MAP3K19: variants seen among roughly 807,000 people sequenced by gnomAD.
MAP3K19 encodes SPS1/STE20-related protein kinase YSK4.
MAP3K19 carries 91 observed loss-of-function variants against 114.4 expected under a neutral mutation model. That is an observed-to-expected ratio of 0.80 (90% CI 0.67 to 0.95). The LOEUF (loss-of-function observed/expected upper bound fraction) is 0.95. Ranked by LOEUF, MAP3K19 falls within the 40% of genes least tolerant of loss-of-function variation. The pLI is 0.00. For synonymous variants in MAP3K19, 518 were observed against 530.5 expected (o/e 0.98, Z 0.32); for missense variants, 1,471 against 1,573.2 (o/e 0.94, Z 1.10).
intron 10 of MAP3K19, among the ~76,000 whole-genome samples, chr2:134,985,018 A>G (rs1684994911): frequency 6.6e-6 from 1 of 152,222 alleles, no homozygotes; most frequent in Admixed American, 6.5e-5. Flanking sequence ...GTTAGTGTTC[A>G]ATAAATAATA....
rs1211459247 is a variant in MAP3K19, at chr2:134,983,686, G to A, written c.3212C>T (p.Ala1071Val). Residue 1071 changes from alanine to valine, a missense_variant, in exon 11 of 13, where the codon GCC becomes GTC. Ala to Val is a moderately conservative substitution (Grantham distance 64, BLOSUM62 0). Coordinates refer to ENST00000392915, the MANE Select transcript of MAP3K19 (RefSeq NM_025052.5). The part of the protein sequence containing the change: ...WTKGEILGKG[A>V]YGTVYCGLTS... ...TCCAGTTTAACTTACTGTGCCGTAG[G>A]CTCCCTTTCCAAGAATCTCACCCTT... 5.1e-6 allele frequency: 8 copies of A among 1,567,858 alleles called. No homozygotes were observed. The highest frequency in any genetic ancestry group is 6.9e-6 in the Non-Finnish European group (8 of 1,162,812).
Position 135,036,637 on chromosome 2 carries a change from A to ATGTGTG in MAP3K19, c.-284+3720_-284+3725dup, listed in dbSNP as rs57859657. On this transcript the variant is annotated intron_variant, in intron 2 of 12. Transcript: ENST00000392915. ...AAATATTTAGTTGGAGTTCAACATT[A>ATGTGTG]TGTGTGTGTGTGTGTGTGTGTGTGT... Among the ~76,000 whole-genome samples, 265 of 140,286 alleles carry ATGTGTG rather than the reference A, an allele frequency of 1.9e-3. 1 individual carries two copies. The highest frequency in any genetic ancestry group is 6.2e-3 in the African/African-American group (237 of 38,286). 92.0% of individuals were successfully genotyped at this position (140,286 alleles called of 152,430 possible).
intron 12 of MAP3K19, 194 bp downstream of exon 12, chr2:134,980,627 C>A: frequency 1.7e-6 from 1 of 577,202 alleles, no homozygotes; most frequent in Non-Finnish European, 3.1e-6. Context: ...GAAGCATTGC[C>A]TCCTATACCC....
chr2:134,979,641 G>GTTTTTTT (rs774229914), intron 12 of MAP3K19, among the ~76,000 whole-genome samples: 1 of 117,752 alleles, frequency 8.5e-6, no homozygotes, highest in East Asian at 2.7e-4. Flanking sequence ...CATTTATGCG[G>GTTTTTTT]TTTTTTTTTT....
rs1187957592 is a variant in MAP3K19 at position 134,997,817 on chromosome 2, C to CAAAA, written c.574+917_574+920dup. Among the ~76,000 whole-genome samples, 36 of 91,004 alleles carry CAAAA rather than the reference C, an allele frequency of 4.0e-4. 1 individual carries two copies. The highest frequency in any genetic ancestry group is 1.8e-3 in the Admixed American group (15 of 8,544). 59.7% of individuals were successfully genotyped at this position (91,004 alleles called of 152,430 possible). A position where few individuals can be genotyped will look rare whatever the true frequency, so the allele number is the denominator to read the frequency against. ...CTGGTGACAGAGCGAGACTCCGTCT[C>CAAAA]AAAAAAAAAAAAACTTTAAGCACTG... On this transcript the variant is annotated intron_variant, in intron 8 of 12. Transcript: ENST00000392915.
In MAP3K19 at chr2:134,986,043, T is replaced by A. The variant is rs1367073678; in HGVS notation, c.2829A>T (p.Gly943=). The A allele has an allele frequency of 6.2e-7, 1 of 1,613,700 alleles. No homozygotes were observed. Among genetic ancestry groups the A allele is most frequent in the Non-Finnish European group, 8.5e-7 (1 of 1,179,918 alleles). Reference sequence around the variant, plus strand: ...TTGAATTTGTGCCACTTAAGGTTTTTCCAAACATTTGATATGTGATTGACT... The same window carrying A: ...TTGAATTTGTGCCACTTAAGGTTTTACCAAACATTTGATATGTGATTGACT... ...ANKSITYQMF[G]KTLSGTNSIS... The change falls in exon 10 of 13, where the codon GGA becomes GGT. Residue 943 remains glycine, a synonymous_variant. Coordinates refer to ENST00000392915, the MANE Select transcript of MAP3K19 (RefSeq NM_025052.5).
At chr2:134,993,984 T>C (rs1685806730) in intron 8 of MAP3K19, among the ~76,000 whole-genome samples, 1 of 152,172 alleles carries the variant, frequency 6.6e-6, no homozygotes, top group Admixed American at 6.5e-5. Flanking sequence ...CACTCCAGCA[T>C]GGGCAACAGA....
chr2:134,992,827 G>T (rs1242827989), intron 8 of MAP3K19, among the ~76,000 whole-genome samples: 1 of 151,982 alleles, frequency 6.6e-6, no homozygotes, highest in East Asian at 1.9e-4. Context: ...CTGCCATCAT[G>T]CCCGGCTAAT....
Position 135,032,370 on chromosome 2 carries a change from A to G in MAP3K19, c.-283-1870T>C, listed in dbSNP as rs868458238. Among the ~76,000 whole-genome samples the G allele has an allele frequency of 3.7e-5, 4 of 107,690 alleles. 1 individual carries two copies. The highest frequency in any genetic ancestry group is 1.6e-4 in the African/African-American group (3 of 18,716). 70.6% of individuals were successfully genotyped at this position (107,690 alleles called of 152,430 possible). On this transcript the variant is annotated intron_variant, in intron 2 of 12. Coordinates refer to ENST00000392915, the MANE Select transcript of MAP3K19 (RefSeq NM_025052.5). ...AGACTCTGTCTGAAAAAAAAAAAAA[A>G]AAAGAAAAGAAAAGAAAAACAGTCT...
intron 5 of MAP3K19, among the ~76,000 whole-genome samples, chr2:135,014,547 T>C (rs1687459134): frequency 6.6e-6 from 1 of 152,198 alleles, no homozygotes; most frequent in Admixed American, 6.5e-5. Context: ...CATTCCCTAC[T>C]CCACCCCTTT....
intron 2 of MAP3K19, among the ~76,000 whole-genome samples, chr2:135,035,001 TACA>T (rs1052317235): frequency 1.3e-5 from 2 of 152,164 alleles, no homozygotes; most frequent in African/African-American, 4.8e-5. Context: ...TGACACATGC[TACA>T]ACATGAATGA....
At chr2:135,002,070 G>T (rs1218081420) in intron 6 of MAP3K19, among the ~76,000 whole-genome samples, 1 of 152,148 alleles carries the variant, frequency 6.6e-6, no homozygotes, top group Non-Finnish European at 1.5e-5. Flanking sequence ...GGCCTCTCAA[G>T]CTACCCAGTA....
chr2:135,041,654 C>G (rs1425295980), intron 1 of MAP3K19, among the ~76,000 whole-genome samples: 2 of 152,148 alleles, frequency 1.3e-5, no homozygotes, highest in African/African-American at 4.8e-5. Flanking sequence ...TTAGTAACAG[C>G]ACGACATCCT....
At chr2:135,036,247 C>A (rs1688522827) in intron 2 of MAP3K19, among the ~76,000 whole-genome samples, 1 of 152,122 alleles carries the variant, frequency 6.6e-6, no homozygotes, top group Non-Finnish European at 1.5e-5. Flanking sequence ...GATTTCTTGA[C>A]CACTTTCTCA....
At chr2:134,967,258 G>T (rs964045929) in intron 12 of MAP3K19, among the ~76,000 whole-genome samples, 1 of 152,158 alleles carries the variant, frequency 6.6e-6, no homozygotes, top group African/African-American at 2.4e-5. Context: ...GCGCCGTATT[G>T]TCCAAAGTTT....
At chr2:134,969,292 G>A (rs950957024) in intron 12 of MAP3K19, among the ~76,000 whole-genome samples, 1 of 152,212 alleles carries the variant, frequency 6.6e-6, no homozygotes, top group African/African-American at 2.4e-5. Context: ...AGTGAGCCGA[G>A]ATGGCAGCAG....
intron 2 of MAP3K19, among the ~76,000 whole-genome samples, chr2:135,034,345 C>T (rs1688474459): frequency 8.0e-6 from 1 of 124,700 alleles, no homozygotes; most frequent in Admixed American, 8.3e-5. Context: ...GGCAGAGGGG[C>T]TCCTCACGTC....
intron 11 of MAP3K19, among the ~76,000 whole-genome samples, chr2:134,981,880 CT>C (rs567597251): frequency 0.043 from 5,314 of 124,538 alleles, 96 homozygotes; most frequent in Middle Eastern, 0.12. Context: ...GATTTCTTTT[CT>C]TTTTTTTTTT....
intron 5 of MAP3K19, among the ~76,000 whole-genome samples, chr2:135,010,308 A>G (rs1422999319): frequency 3.3e-5 from 5 of 152,344 alleles, no homozygotes; most frequent in African/African-American, 1.2e-4. Context: ...TTTGAAGGTG[A>G]TGACGGAAGT....
Sources: allele counts gnomAD v4.1 joint callset (sites outside exome capture counted in the v4.1 genomes callset), GRCh38; gene constraint gnomAD v4.1.1; transcripts MANE v1.5; gene names NCBI Gene and HGNC (gene_info 2026-07-23, HGNC 2026-07-21).